Variants in FANCB observed in about 807,000 individuals in gnomAD.
FANCB encodes Fanconi anemia group B protein.
A neutral mutation model predicts 38.9 loss-of-function variants in FANCB; 5 were observed. That is an observed-to-expected ratio of 0.13 (90% CI 0.07 to 0.27). The LOEUF (loss-of-function observed/expected upper bound fraction) is 0.27. FANCB is among the 10% of genes least tolerant of loss of function. The probability of loss-of-function intolerance (pLI) is 1.00; values close to 1 mark genes in which losing one functional copy is unlikely to be tolerated. For missense variants in FANCB, 573 were observed against 602.7 expected, an observed-to-expected ratio of 0.95 and a Z score of 0.52; for synonymous variants, 236 against 215.4, an observed-to-expected ratio of 1.10 and a Z score of -0.84.
chrX:14,770,462 G>C, the FANCB span, among the ~76,000 whole-genome samples: 8,178 of 111,360 alleles, frequency 0.073, 402 homozygotes, highest in African/African-American at 0.17. Flanking sequence ...TGCAACCCCT[G>C]CTTTTTTTCT....
At chrX:14,712,516 A>C in the FANCB span, among the ~76,000 whole-genome samples, 1 of 111,341 alleles carries the variant, frequency 9.0e-6, no homozygotes, top group Non-Finnish European at 1.9e-5. Context: ...GAAAAAAAAA[A>C]AACTATAGTT....
chrX:14,872,115 A>G (rs1457827732), intron 1 of FANCB, among the ~76,000 whole-genome samples: 1 of 112,318 alleles, frequency 8.9e-6, no homozygotes, highest in East Asian at 2.8e-4. Flanking sequence ...AGTGTCCAGG[A>G]TAGGTGAGTA....
intron 7 of FANCB, among the ~76,000 whole-genome samples, chrX:14,846,007 C>G (rs1601979124): frequency 9.0e-6 from 1 of 111,594 alleles, no homozygotes; most frequent in East Asian, 2.8e-4. Flanking sequence ...GACCATATGT[C>G]TAATGAGTTA....
intron 7 of FANCB, among the ~76,000 whole-genome samples, chrX:14,846,748 A>G (rs1355509542): frequency 9.1e-6 from 1 of 110,340 alleles, no homozygotes; most frequent in Non-Finnish European, 1.9e-5. Flanking sequence ...GTTAAGCAAT[A>G]TCACAGGAAG....
the FANCB span, among the ~76,000 whole-genome samples, chrX:14,821,526 A>G: frequency 2.7e-5 from 3 of 112,413 alleles, no homozygotes; most frequent in Admixed American, 9.4e-5. Flanking sequence ...GCTGACAAAT[A>G]GTTAAGACAT....
At chrX:14,693,439 C>G in the FANCB span, among the ~76,000 whole-genome samples, 2 of 110,150 alleles carry the variant, frequency 1.8e-5, no homozygotes, top group Admixed American at 9.7e-5. Context: ...ATAGATATGT[C>G]TACAACGAAT....
the FANCB span, among the ~76,000 whole-genome samples, chrX:14,710,259 A>T: frequency 8.9e-6 from 1 of 112,234 alleles, no homozygotes; most frequent in Admixed American, 9.4e-5. Context: ...TGCAAACAGC[A>T]TTGACTTTCA....
the FANCB span, among the ~76,000 whole-genome samples, chrX:14,698,838 C>G: frequency 9.1e-6 from 1 of 110,153 alleles, no homozygotes; most frequent in Admixed American, 9.7e-5. Flanking sequence ...CCCAAAAAGA[C>G]AATGGCATTA....
chrX:14,788,608 A>C, the FANCB span, among the ~76,000 whole-genome samples: 1 of 112,229 alleles, frequency 8.9e-6, no homozygotes, highest in Non-Finnish European at 1.9e-5. Context: ...AGGTTTGCAA[A>C]ATCCCAGCCT....
At chrX:14,787,518 A>G in the FANCB span, among the ~76,000 whole-genome samples, 1 of 110,847 alleles carries the variant, frequency 9.0e-6, no homozygotes, top group Non-Finnish European at 1.9e-5. Flanking sequence ...TATATTTCAA[A>G]ATTACTAGAA....
chrX:14,873,057 C>A lies in FANCB; in HGVS notation c.-263G>T. On this transcript the variant is annotated 5_prime_UTR_variant, in exon 1 of 10. Transcript: ENST00000650831. ...CCATCTGCTCCAAACCTCCCGCCAG[C>A]GCGCTGCATCCTGGGAGGCCGGGCG... 6.2e-6 allele frequency: 1 copy of A among 162,489 alleles called. No individual in the cohort carries two copies. The highest frequency in any genetic ancestry group is 1.2e-5 in the Non-Finnish European group (1 of 84,071). 13.4% of individuals were successfully genotyped at this position (162,489 alleles called of 1,213,427 possible).
chrX:14,830,195 G>A, the FANCB span, among the ~76,000 whole-genome samples: 1 of 111,569 alleles, frequency 9.0e-6, no homozygotes, highest in Non-Finnish European at 1.9e-5. Flanking sequence ...GTGGTTTGTG[G>A]CACCCCAGAA....
the FANCB span, among the ~76,000 whole-genome samples, chrX:14,787,171 A>T: frequency 9.0e-6 from 1 of 111,194 alleles, no homozygotes; most frequent in Non-Finnish European, 1.9e-5. Flanking sequence ...GTCTGTCATC[A>T]ATGCCCCTTG....
the FANCB span, among the ~76,000 whole-genome samples, chrX:14,736,235 G>A: frequency 1.2e-4 from 13 of 110,418 alleles, no homozygotes; most frequent in African/African-American, 4.3e-4. Context: ...CCTTTCCAGT[G>A]GAGTGAACTA....
At chrX:14,733,623 T>C in the FANCB span, among the ~76,000 whole-genome samples, 1 of 112,143 alleles carries the variant, frequency 8.9e-6, no homozygotes, top group East Asian at 2.8e-4. Context: ...GTTCTCTTTG[T>C]AGCAATTGTC....
chrX:14,796,528 T>C, the FANCB span, among the ~76,000 whole-genome samples: 3 of 98,286 alleles, frequency 3.1e-5, no homozygotes, highest in African/African-American at 1.1e-4. Flanking sequence ...ACATATATAA[T>C]CTATTATATA....
chrX:14,690,844 G>A, the FANCB span: 4 of 1,207,234 alleles, frequency 3.3e-6, no homozygotes, highest in Non-Finnish European at 4.5e-6. Flanking sequence ...GAAGAAGACA[G>A]AAGAGGCAGA....
chrX:14,783,276 C>T, the FANCB span, among the ~76,000 whole-genome samples: 3 of 112,185 alleles, frequency 2.7e-5, no homozygotes, highest in South Asian at 1.1e-3. Context: ...GAATTCATAG[C>T]CCTGCTAGGT....
the FANCB span, among the ~76,000 whole-genome samples, chrX:14,749,814 A>G: frequency 1.8e-5 from 2 of 111,942 alleles, no homozygotes; most frequent in Non-Finnish European, 3.8e-5. Flanking sequence ...TGGTAATTCA[A>G]CTGCCCAATA....
Sources: gnomAD v4.1 joint callset for allele counts (sites outside exome capture counted in the v4.1 genomes callset) on GRCh38, gnomAD v4.1.1 for gene constraint, MANE v1.5 for transcripts, NCBI Gene and HGNC (gene_info 2026-07-23, HGNC 2026-07-21) for gene names.